The following MYO19 variants were observed in gnomAD, a reference collection of about 807,000 sequenced individuals.
MYO19 encodes myosin XIX.
MYO19 carries 132 observed loss-of-function variants against 129.2 expected under a neutral mutation model. The ratio of observed to expected loss-of-function variants is 1.02; its 90% confidence interval spans 0.89 to 1.18. MYO19 has a LOEUF of 1.18. Among genes scored for constraint, MYO19 ranks in the 50% most tolerant of loss-of-function variants. The probability of loss-of-function intolerance (pLI) is 0.00; values close to 1 mark genes in which losing one functional copy is unlikely to be tolerated. For missense variants in MYO19, 1,210 were observed against 1,216.7 expected, an observed-to-expected ratio of 0.99 and a Z score of 0.08; for synonymous variants, 531 against 477.2, an observed-to-expected ratio of 1.11 and a Z score of -1.47.
At chr17:36,536,191 A>T (rs2074116469), upstream of MYO19, among the ~76,000 whole-genome samples, 1 of 152,154 alleles carries the variant, frequency 6.6e-6, no homozygotes, top group Admixed American at 6.5e-5. Flanking sequence ...CACCCACCGT[A>T]CCTACTTCCA....
Position 36,511,326 on chromosome 17 carries a change from C to G in MYO19, c.985+39G>C, listed in dbSNP as rs745337316. ...CAACCCCAGCAATGCTGGCTACCTT[C>G]CTGACAGGGCCTGCCCCATCCTACA... On this transcript the variant is annotated intron_variant, in intron 12 of 25. Transcript: ENST00000614623. 7.7e-6 allele frequency: 12 copies of G among 1,549,992 alleles called. No individual in the cohort carries two copies. The East Asian group carries it at 2.7e-4, about 35-fold the overall frequency.
chr17:36,531,313 T>C (rs1413600012), intron 3 of MYO19, among the ~76,000 whole-genome samples: 3 of 143,162 alleles, frequency 2.1e-5, no homozygotes, highest in Non-Finnish European at 4.5e-5. Context: ...GAGAATAGCA[T>C]GAACCTGGGA....
intron 19 of MYO19, 58 bp from the exon 20 acceptor site, chr17:36,504,078 T>C: frequency 7.3e-7 from 1 of 1,376,946 alleles, no homozygotes. Context: ...AGGCCAGAAA[T>C]GCCATTCTCT....
chr17:36,508,112 C>T, intron 14 of MYO19, 188 bp from the exon 15 acceptor site: 1 of 516,268 alleles, frequency 1.9e-6, no homozygotes, highest in Non-Finnish European at 3.3e-6. Context: ...AAGGTGGCTC[C>T]CATCTCTACC....
chr17:36,507,047 C>T lies in MYO19; in HGVS notation c.1560G>A (p.Lys520=). The T allele has an allele frequency of 6.2e-7, 1 of 1,613,700 alleles. No homozygotes were observed. The highest frequency in any genetic ancestry group is 8.5e-7 in the Non-Finnish European group (1 of 1,179,692). The change falls in exon 17 of 26, where the codon AAG becomes AAA. Residue 520 remains lysine (K), a synonymous_variant. Coordinates refer to ENST00000614623, the MANE Select transcript of MYO19 (RefSeq NM_001163735.2). The part of the protein sequence containing the change: ...LAGSPCLGHN[K]LSREPSFIVV... ...CAATGAAGCTGGGCTCCCGGCTGAGCTTATTGTGGCCCAGGCAGGGGCTGC... is the reference window on the plus strand; with the variant it reads ...CAATGAAGCTGGGCTCCCGGCTGAGTTTATTGTGGCCCAGGCAGGGGCTGC...
chr17:36,541,457 A>T (rs1567810960), intron 2 of MYO19, among the ~76,000 whole-genome samples: 3 of 152,026 alleles, frequency 2.0e-5, no homozygotes, highest in Non-Finnish European at 4.4e-5. Context: ...GGTACTTTTC[A>T]TTTTTTTTAA....
At position 36,516,656 on chromosome 17, in the gene MYO19, C is replaced by T. The variant is rs114853645; in HGVS notation, c.415-666G>A. 2.1e-3 allele frequency among the ~76,000 whole-genome samples: 315 copies of T among 152,330 alleles called. 1 individual carries two copies. Among genetic ancestry groups the T allele is most frequent in the African/African-American group, 7.1e-3 (296 of 41,576 alleles). On this transcript the variant is annotated intron_variant, in intron 6 of 25. Coordinates refer to ENST00000614623, the MANE Select transcript of MYO19 (RefSeq NM_001163735.2). ...AAGTGGGATTACAGGTGTGAGCCAC[C>T]GCACCTGGCCCCAAGCAGTCTAATT...
At chr17:36,544,119 G>C (rs954713454), upstream of MYO19, among the ~76,000 whole-genome samples, 1 of 152,248 alleles carries the variant, frequency 6.6e-6, no homozygotes, top group Non-Finnish European at 1.5e-5. Flanking sequence ...GAGACGGCCA[G>C]AGGGAAAGGC....
chr17:36,532,405 G>C (rs1398649968), intron 3 of MYO19, 122 bp downstream of exon 3: 2 of 1,191,856 alleles, frequency 1.7e-6, no homozygotes, highest in Middle Eastern at 3.8e-4. Flanking sequence ...AAAGGCACTG[G>C]AGAGACAATT....
intron 11 of MYO19, among the ~76,000 whole-genome samples, chr17:36,511,782 C>T (rs766291913): frequency 9.2e-5 from 14 of 152,172 alleles, no homozygotes; most frequent in Non-Finnish European, 1.8e-4. Context: ...TCCATGCCCA[C>T]CCATCCTCTA....
chr17:36,495,804 C>A lies in MYO19; in HGVS notation c.*447G>T. The A allele has an allele frequency of 8.1e-7, 1 of 1,240,286 alleles. No individual in the cohort carries two copies. The highest frequency in any genetic ancestry group is 1.0e-6 in the Non-Finnish European group (1 of 992,532). The allele number at this position is 1,240,286 out of a possible 1,614,324, so 76.8% of individuals were successfully genotyped here. On this transcript the variant is annotated 3_prime_UTR_variant, in exon 26 of 26. Coordinates refer to ENST00000614623, the MANE Select transcript of MYO19 (RefSeq NM_001163735.2). ...TTGTTTGAAATTACATTAAATAAAT[C>A]AACTAATTAAATACTAAAGTTTTGT... is the stretch of plus-strand genomic sequence containing the variant.
chr17:36,542,840 G>A (rs573635704), intron 1 of MYO19, among the ~76,000 whole-genome samples: 3 of 151,262 alleles, frequency 2.0e-5, no homozygotes, highest in Admixed American at 2.0e-4. Flanking sequence ...CTCAGCCTCC[G>A]GAGTAGCTGG....
At chr17:36,505,465 G>T in intron 18 of MYO19, 61 bp from the exon 19 acceptor site, 1 of 1,255,226 alleles carries the variant, frequency 8.0e-7, no homozygotes. Context: ...CATCAACTGG[G>T]CTCTGGTTAG....
At chr17:36,535,015 TG>T (rs1432423050), upstream of MYO19, 1 of 152,370 alleles carries the variant, frequency 6.6e-6, no homozygotes, top group Admixed American at 6.5e-5. Context: ...GCACGTGGCT[TG>T]GCCGGGACGC....
chr17:36,495,736 T>G lies in MYO19; in HGVS notation c.*515A>C, dbSNP rs1394440991. On this transcript the variant is annotated 3_prime_UTR_variant, in exon 26 of 26. Coordinates refer to ENST00000614623, the MANE Select transcript of MYO19 (RefSeq NM_001163735.2). Reference sequence around the variant, plus strand: ...TTAAACTTGGTCAGTGTTAATAAAATCAAAACGTGATTCTACTGTACATTG... The same window carrying G: ...TTAAACTTGGTCAGTGTTAATAAAAGCAAAACGTGATTCTACTGTACATTG... 8.0e-7 allele frequency: 1 copy of G among 1,246,598 alleles called. No homozygotes were observed. Among genetic ancestry groups the G allele is most frequent in the Non-Finnish European group, 1.0e-6 (1 of 996,730 alleles). 77.2% of individuals were successfully genotyped at this position (1,246,598 alleles called of 1,614,324 possible).
intron 5 of MYO19, 91 bp from the exon 6 acceptor site, chr17:36,525,432 A>G: frequency 2.1e-6 from 2 of 960,066 alleles, no homozygotes; most frequent in Non-Finnish European, 3.3e-6. Context: ...GGAGGCTGCC[A>G]ATAGCAGTGG....
chr17:36,498,093 AAAAT>A, intron 25 of MYO19, 169 bp downstream of exon 25: 1 of 646,536 alleles, frequency 1.5e-6, no homozygotes, highest in Non-Finnish European at 2.5e-6. Flanking sequence ...CAGTTATAAC[AAAAT>A]AAATAATCCA....
intron 6 of MYO19, among the ~76,000 whole-genome samples, chr17:36,521,386 T>C (rs1165765922): frequency 6.6e-6 from 1 of 152,024 alleles, no homozygotes; most frequent in Admixed American, 6.6e-5. Flanking sequence ...TTAACAAATA[T>C]TCGAAGTTCC....
chr17:36,507,470 A>T lies in MYO19; in HGVS notation c.1396T>A (p.Tyr466Asn). The T allele has an allele frequency of 6.2e-7, 1 of 1,613,764 alleles. No homozygotes were observed. The highest frequency in any genetic ancestry group is 8.5e-7 in the Non-Finnish European group (1 of 1,179,866). ...TCCAAACAGGGCTGGTTGTCCTGGT[A>T]GTTGATGAATGACCACTCCAGGCCC... The part of the protein sequence containing the change: ...VEGLEWSFIN[Y>N]QDNQPCLDLI... The change falls in exon 16 of 26, where the codon TAC becomes AAC. Residue 466 changes from tyrosine (Y) to asparagine (N), a missense_variant. Tyr to Asn is a moderately radical substitution (Grantham distance 143, BLOSUM62 -2). Coordinates refer to ENST00000614623, the MANE Select transcript of MYO19 (RefSeq NM_001163735.2).
Sources: allele counts gnomAD v4.1 joint callset (sites outside exome capture counted in the v4.1 genomes callset), GRCh38; gene constraint gnomAD v4.1.1; transcripts MANE v1.5; gene names NCBI Gene and HGNC (gene_info 2026-07-23, HGNC 2026-07-21).